The following FSTL5 variants were observed in gnomAD, a reference collection of about 807,000 sequenced individuals.
FSTL5 encodes follistatin-related protein 5.
Under a neutral mutation model 89.1 loss-of-function variants are expected in FSTL5, and 62 were observed. That is an observed-to-expected ratio of 0.70 (90% CI 0.57 to 0.86). The LOEUF (loss-of-function observed/expected upper bound fraction) is 0.86. Ranked by LOEUF, FSTL5 falls within the 40% of genes least tolerant of loss-of-function variation. The probability of loss-of-function intolerance (pLI) is 0.00; values close to 1 mark genes in which losing one functional copy is unlikely to be tolerated. For synonymous variants in FSTL5, 383 were observed against 346.2 expected, an observed-to-expected ratio of 1.11 and a Z score of -1.18; for missense variants, 1,057 against 1,001.6, an observed-to-expected ratio of 1.06 and a Z score of -0.75.
At chr4:161,992,972 A>G (rs1257621912) in intron 3 of FSTL5, among the ~76,000 whole-genome samples, 1 of 140,370 alleles carries the variant, frequency 7.1e-6, no homozygotes, top group Non-Finnish European at 1.5e-5. Context: ...ATGTGTGTAT[A>G]TATATATATG....
At chr4:161,658,193 C>T (rs570806204) in intron 6 of FSTL5, among the ~76,000 whole-genome samples, 14 of 152,064 alleles carry the variant, frequency 9.2e-5, no homozygotes, top group African/African-American at 2.2e-4. Context: ...AGGCCAGGCA[C>T]GGTGGCTCAC....
intron 3 of FSTL5, among the ~76,000 whole-genome samples, chr4:162,003,416 G>A (rs1011734596): frequency 1.3e-5 from 2 of 151,880 alleles, no homozygotes; most frequent in Non-Finnish European, 2.9e-5. Flanking sequence ...TTTGAAGTTG[G>A]GACTCTCAAT....
At chr4:161,459,118 G>GA (rs796893644) in intron 14 of FSTL5, 94 bp downstream of exon 14, 1 of 881,988 alleles carries the variant, frequency 1.1e-6, no homozygotes. Flanking sequence ...TCCTCAGATG[G>GA]AAAAATATCA....
intron 12 of FSTL5, among the ~76,000 whole-genome samples, chr4:161,483,466 G>A (rs1031237463): frequency 2.0e-5 from 3 of 152,162 alleles, no homozygotes; most frequent in Non-Finnish European, 2.9e-5. Context: ...CTATTCAACA[G>A]TAAAATAAAC....
intron 4 of FSTL5, among the ~76,000 whole-genome samples, chr4:161,872,140 G>GTTTTTTTTTTTTTTTTTTTTTTTTT (rs1491313878): frequency 3.0e-5 from 2 of 67,508 alleles, no homozygotes; most frequent in Non-Finnish European, 5.6e-5. Context: ...TTTTTTTTTT[G>GTTTTTTTTTTTTTTTTTTTTTTTTT]GTTTTTTTTT....
intron 15 of FSTL5, among the ~76,000 whole-genome samples, chr4:161,421,409 T>G (rs1731987435): frequency 1.3e-5 from 2 of 152,094 alleles, no homozygotes; most frequent in African/African-American, 2.4e-5. Context: ...AAAGACATTA[T>G]TTCTTCTTCT....
intron 10 of FSTL5, among the ~76,000 whole-genome samples, chr4:161,520,460 G>C (rs1045902546): frequency 6.6e-6 from 1 of 151,752 alleles, no homozygotes; most frequent in African/African-American, 2.4e-5. Context: ...TTTTGTGAGG[G>C]AAATTATAAA....
intron 13 of FSTL5, among the ~76,000 whole-genome samples, chr4:161,478,540 A>G (rs1411234952): frequency 6.6e-6 from 1 of 152,136 alleles, no homozygotes; most frequent in Admixed American, 6.5e-5. Context: ...GGAACTCTAG[A>G]CAGCACTTCA....
At position 161,937,944 on chromosome 4, in the gene FSTL5, T is replaced by C. The variant is rs183607708; in HGVS notation, c.161-17292A>G. On this transcript the variant is annotated intron_variant, in intron 3 of 15. Transcript: ENST00000306100. ...GTTTTCCTCTGACATCATCTCACCTTTCTAGCAACATGTCCAGTTTCTTTG... is the reference window on the plus strand; with the variant it reads ...GTTTTCCTCTGACATCATCTCACCTCTCTAGCAACATGTCCAGTTTCTTTG... 5.5e-3 allele frequency among the ~76,000 whole-genome samples: 828 copies of C among 151,354 alleles called. 2 individuals carry two copies. Among genetic ancestry groups the C allele is most frequent in the Non-Finnish European group, 8.4e-3 (570 of 67,464 alleles).
chr4:161,750,452 G>A (rs1035377243), intron 6 of FSTL5, among the ~76,000 whole-genome samples: 10 of 152,022 alleles, frequency 6.6e-5, no homozygotes, highest in East Asian at 3.8e-4. Flanking sequence ...TATTTTGGAC[G>A]TGTTTAAGTA....
chr4:161,811,196 C>A (rs1485176197), intron 4 of FSTL5, among the ~76,000 whole-genome samples: 1 of 151,754 alleles, frequency 6.6e-6, no homozygotes, highest in Non-Finnish European at 1.5e-5. Flanking sequence ...GAGCAAAAAA[C>A]AAAACAAAAC....
chr4:162,138,647 AT>A (rs1732607735), intron 1 of FSTL5, among the ~76,000 whole-genome samples: 1 of 152,122 alleles, frequency 6.6e-6, no homozygotes, highest in South Asian at 2.1e-4. Context: ...AGTTAAAAAA[AT>A]AATAAAATAA....
chr4:162,154,376 A>G (rs571005640), intron 1 of FSTL5, among the ~76,000 whole-genome samples: 33 of 152,342 alleles, frequency 2.2e-4, no homozygotes, highest in African/African-American at 7.9e-4. Flanking sequence ...TCTTATGAAC[A>G]TGACATTTTT....
intron 3 of FSTL5, among the ~76,000 whole-genome samples, chr4:161,921,143 G>T: frequency 6.6e-6 from 1 of 152,114 alleles, no homozygotes; most frequent in Non-Finnish European, 1.5e-5. Flanking sequence ...TACAGTAACA[G>T]AATTGTAGAT....
intron 2 of FSTL5, among the ~76,000 whole-genome samples, chr4:162,047,735 G>A (rs894826018): frequency 6.6e-6 from 1 of 151,962 alleles, no homozygotes; most frequent in Non-Finnish European, 1.5e-5. Flanking sequence ...TGAGGCAGGA[G>A]AATTGCTTGA....
At chr4:162,083,513 A>G (rs2111339085) in intron 2 of FSTL5, among the ~76,000 whole-genome samples, 1 of 151,146 alleles carries the variant, frequency 6.6e-6, no homozygotes, top group Admixed American at 6.6e-5. Context: ...GCAAAATTAC[A>G]CAGCTTTATT....
At position 162,070,135 on chromosome 4, in the gene FSTL5, T is replaced by A. The variant is rs527409578; in HGVS notation, c.127-36477A>T. On this transcript the variant is annotated intron_variant, in intron 2 of 15. Coordinates refer to ENST00000306100, the MANE Select transcript of FSTL5 (RefSeq NM_020116.5). Reference sequence around the variant, plus strand: ...TGCATTTTCCTGATGATAAGTTACATCGGGGATTCGTATGTTTTCTTTTAA... The same window carrying A: ...TGCATTTTCCTGATGATAAGTTACAACGGGGATTCGTATGTTTTCTTTTAA... Among the ~76,000 whole-genome samples the A allele has an allele frequency of 3.6e-4, 55 of 151,992 alleles. 1 individual carries two copies. The highest frequency in any genetic ancestry group is 2.5e-3 in the South Asian group (12 of 4,828).
At chr4:161,514,249 A>G (rs1467695650) in intron 10 of FSTL5, among the ~76,000 whole-genome samples, 1 of 152,070 alleles carries the variant, frequency 6.6e-6, no homozygotes, top group Admixed American at 6.6e-5. Context: ...ACATACACAC[A>G]CACAGACACA....
At chr4:162,107,862 G>T (rs1030802533) in intron 2 of FSTL5, among the ~76,000 whole-genome samples, 1 of 151,920 alleles carries the variant, frequency 6.6e-6, no homozygotes, top group East Asian at 1.9e-4. Flanking sequence ...CTTGTCCTTG[G>T]TAAAGTTACT....
Sources: gnomAD v4.1 joint callset for allele counts (sites outside exome capture counted in the v4.1 genomes callset) on GRCh38, gnomAD v4.1.1 for gene constraint, MANE v1.5 for transcripts, NCBI Gene and HGNC (gene_info 2026-07-23, HGNC 2026-07-21) for gene names.